Variants in GTSF1 observed in about 807,000 individuals in gnomAD.
GTSF1 encodes gametocyte-specific factor 1.
In GTSF1, 11 loss-of-function variants were observed where a neutral mutation model predicts 28.9. The observed-to-expected ratio is 0.38, with a 90% confidence interval of 0.24 to 0.63. GTSF1 has a LOEUF of 0.63. Ranked by LOEUF, GTSF1 falls within the 30% of genes least tolerant of loss-of-function variation. The pLI is 0.56. For missense variants in GTSF1, 146 were observed against 201.0 expected, an observed-to-expected ratio of 0.73 and a Z score of 1.66; for synonymous variants, 69 against 65.6, an observed-to-expected ratio of 1.05 and a Z score of -0.25.
chr12:54,465,195 A>C (rs768854266), intron 2 of GTSF1, 28 bp from the exon 3 acceptor site: 1 of 1,499,910 alleles, frequency 6.7e-7, no homozygotes. Context: ...TTCAGTAGGT[A>C]AAACGATAAT....
chr12:54,471,092 A>G (rs533338472), intron 2 of GTSF1, 141 bp downstream of exon 2: 1 of 498,978 alleles, frequency 2.0e-6, no homozygotes, highest in East Asian at 3.4e-5. Flanking sequence ...CTTATTTCAA[A>G]TTTGGGCAAT....
chr12:54,465,084 G>A lies in GTSF1; in HGVS notation c.100C>T (p.Leu34Phe), dbSNP rs1233542450. The change falls in exon 3 of 9, where the codon CTT becomes TTT. Residue 34 changes from leucine (L) to phenylalanine (F), a missense_variant. Leu to Phe is a conservative substitution (Grantham distance 22, BLOSUM62 0). Coordinates refer to ENST00000305879, the MANE Select transcript of GTSF1 (RefSeq NM_144594.3). ...GACCCTACCTTTCTGCACTTGATAA[G>A]ATGATAAGGAAACCTGCAAGCCCTG... ...QIRACRFPYH[L>F]IKCRKNHPDV... 2 of 1,612,746 alleles carry A rather than the reference G, an allele frequency of 1.2e-6. No homozygotes were observed. Among genetic ancestry groups the A allele is most frequent in the African/African-American group, 2.7e-5 (2 of 74,862 alleles).
At chr12:54,466,663 T>C (rs1956516924) in intron 2 of GTSF1, among the ~76,000 whole-genome samples, 1 of 152,170 alleles carries the variant, frequency 6.6e-6, no homozygotes, top group Non-Finnish European at 1.5e-5. Flanking sequence ...TGGTACCTTA[T>C]GATTCATATA....
chr12:54,460,849 A>G (rs1956410193), intron 6 of GTSF1, among the ~76,000 whole-genome samples: 1 of 152,256 alleles, frequency 6.6e-6, no homozygotes, highest in African/African-American at 2.4e-5. Flanking sequence ...GGTAAAATTA[A>G]AAGTTGTAGC....
chr12:54,469,549 G>A (rs1161591551), intron 2 of GTSF1, among the ~76,000 whole-genome samples: 5 of 151,418 alleles, frequency 3.3e-5, no homozygotes, highest in South Asian at 4.2e-4. Context: ...TTAGCCAGGC[G>A]TTGTGGCATG....
rs1201887637 is a variant in GTSF1, at chr12:54,460,447, T to G, written c.417A>C (p.Glu139Asp). Residue 139 changes from glutamate to aspartate, a missense_variant, in exon 7 of 9, where the codon GAA becomes GAC. Coordinates refer to ENST00000305879, the MANE Select transcript of GTSF1 (RefSeq NM_144594.3). ...TGCCTGAAGCCAGGTTATTCTTATG[T>G]TCTGTAACTATGTTGCTCGCAGGGC... ...NNSPASNIVT[E>D]HKNNLASGMR... The G allele has an allele frequency of 1.2e-6, 2 of 1,613,924 alleles. No individual in the cohort carries two copies.
At chr12:54,465,221 T>G in intron 2 of GTSF1, 54 bp from the exon 3 acceptor site, 1 of 1,186,812 alleles carries the variant, frequency 8.4e-7, no homozygotes, top group Non-Finnish European at 1.3e-6. Flanking sequence ...CTTGTAAAAC[T>G]ACAGCATTCC....
intron 4 of GTSF1, 59 bp downstream of exon 4, chr12:54,463,112 A>G: frequency 1.3e-6 from 2 of 1,551,708 alleles, no homozygotes; most frequent in Non-Finnish European, 1.8e-6. Flanking sequence ...AATCTAGCAT[A>G]ATACAAATCT....
intron 5 of GTSF1, 49 bp downstream of exon 5, chr12:54,462,593 T>C: frequency 3.4e-6 from 5 of 1,449,584 alleles, no homozygotes; most frequent in Non-Finnish European, 4.8e-6. Context: ...CTTAAGCAAA[T>C]GACTTGAGAT....
At chr12:54,469,622 A>G (rs1956569258) in intron 2 of GTSF1, among the ~76,000 whole-genome samples, 1 of 137,376 alleles carries the variant, frequency 7.3e-6, no homozygotes, top group Non-Finnish European at 1.5e-5. Flanking sequence ...CAGGAGGCAG[A>G]GGTTGCAGTG....
intron 2 of GTSF1, chr12:54,468,720 A>G (rs1234101466): frequency 6.6e-6 from 1 of 152,214 alleles, no homozygotes; most frequent in Non-Finnish European, 1.5e-5. Flanking sequence ...GTACAGTCCA[A>G]AGAGAGAAGA....
In GTSF1 at chr12:54,460,432, C is replaced by T. The variant is rs1337852822; in HGVS notation, c.432G>A (p.Leu144=). The T allele has an allele frequency of 6.2e-7, 1 of 1,613,978 alleles. No individual in the cohort carries two copies. The highest frequency in any genetic ancestry group is 1.1e-5 in the South Asian group (1 of 91,074). Residue 144 remains leucine, a synonymous_variant, in exon 7 of 9, where the codon CTG becomes CTA. Transcript: ENST00000305879. ...SNIVTEHKNN[L]ASGMRVPKSL... is the part of the protein sequence containing the mutation. ...ATTTGGGAACTCGCATGCCTGAAGC[C>T]AGGTTATTCTTATGTTCTGTAACTA...
intron 7 of GTSF1, chr12:54,459,357 T>C: frequency 7.0e-7 from 1 of 1,421,412 alleles, no homozygotes. Flanking sequence ...TTTTGGGAAA[T>C]GCAAGTATCC....
At chr12:54,467,866 C>A (rs184402320) in intron 2 of GTSF1, among the ~76,000 whole-genome samples, 1 of 150,966 alleles carries the variant, frequency 6.6e-6, no homozygotes, top group Non-Finnish European at 1.5e-5. Flanking sequence ...CTCTGCCTCC[C>A]GGGTTCAAGT....
intron 2 of GTSF1, among the ~76,000 whole-genome samples, chr12:54,467,934 T>G (rs537682197): frequency 6.6e-6 from 1 of 151,692 alleles, no homozygotes; most frequent in East Asian, 2.0e-4. Context: ...CCACCATGCC[T>G]GGCTAATTTT....
At chr12:54,465,501 C>T (rs1451915536) in intron 2 of GTSF1, among the ~76,000 whole-genome samples, 1 of 152,030 alleles carries the variant, frequency 6.6e-6, no homozygotes, top group Non-Finnish European at 1.5e-5. Flanking sequence ...CAGGGTTATT[C>T]CTATTCTCTA....
At chr12:54,460,341 A>G in intron 7 of GTSF1, 36 bp downstream of exon 7, 1 of 1,429,836 alleles carries the variant, frequency 7.0e-7, no homozygotes, top group Non-Finnish European at 9.9e-7. Flanking sequence ...TAGCACAATG[A>G]AAAGAGTAAA....
chr12:54,461,402 CA>C (rs1956421092), intron 6 of GTSF1, among the ~76,000 whole-genome samples: 1 of 152,020 alleles, frequency 6.6e-6, no homozygotes, highest in Non-Finnish European at 1.5e-5. Context: ...ATCTAGTTTT[CA>C]ATTAGAGCTG....
At chr12:54,473,164 C>A (rs1052407424) in intron 1 of GTSF1, among the ~76,000 whole-genome samples, 9 of 152,018 alleles carry the variant, frequency 5.9e-5, no homozygotes, top group African/African-American at 2.2e-4. Context: ...CAAGCTACGC[C>A]GGAAGCAATC....
Sources: allele counts gnomAD v4.1 joint callset (sites outside exome capture counted in the v4.1 genomes callset), GRCh38; gene constraint gnomAD v4.1.1; transcripts MANE v1.5; gene names NCBI Gene and HGNC (gene_info 2026-07-23, HGNC 2026-07-21).